Variants in RABGAP1L observed in about 807,000 individuals in gnomAD.
The protein encoded by RABGAP1L is RAB GTPase activating protein 1 like.
A neutral mutation model predicts 137.7 loss-of-function variants in RABGAP1L; 63 were observed. The ratio of observed to expected loss-of-function variants is 0.46; its 90% confidence interval spans 0.37 to 0.56. The LOEUF (loss-of-function observed/expected upper bound fraction) is 0.56. RABGAP1L is among the 20% of genes least tolerant of loss of function. The probability of loss-of-function intolerance (pLI) is 0.00; values close to 1 mark genes in which losing one functional copy is unlikely to be tolerated. For missense variants in RABGAP1L, 1,095 were observed against 1,244.0 expected (o/e 0.88, Z 1.80); for synonymous variants, 431 against 433.7 (o/e 0.99, Z 0.08).
chr1:174,760,928 T>A (rs190214049), intron 18 of RABGAP1L, among the ~76,000 whole-genome samples: 1 of 152,378 alleles, frequency 6.6e-6, no homozygotes, highest in East Asian at 1.9e-4. Flanking sequence ...TACTGTTCTA[T>A]GTGCTTGAAT....
intron 13 of RABGAP1L, among the ~76,000 whole-genome samples, chr1:174,494,537 T>G (rs531228574): frequency 2.5e-4 from 38 of 152,316 alleles, no homozygotes; most frequent in South Asian, 1.0e-3. Context: ...GGTTTCAGAG[T>G]CTTAATCATT....
At chr1:174,666,646 T>C (rs561703953) in intron 14 of RABGAP1L, among the ~76,000 whole-genome samples, 2 of 152,348 alleles carry the variant, frequency 1.3e-5, no homozygotes, top group South Asian at 4.1e-4. Context: ...TTTCATTCTT[T>C]CTGTGAGTCT....
chr1:174,860,134 T>A (rs926653123), intron 19 of RABGAP1L, among the ~76,000 whole-genome samples: 6 of 152,096 alleles, frequency 3.9e-5, no homozygotes, highest in African/African-American at 1.4e-4. Flanking sequence ...GGTTCTTATA[T>A]GGCCCTCACT....
At chr1:174,621,088 G>A (rs1160771996) in intron 13 of RABGAP1L, among the ~76,000 whole-genome samples, 1 of 152,094 alleles carries the variant, frequency 6.6e-6, no homozygotes. Context: ...AAACCAGGAA[G>A]AACTCCCATT....
At chr1:174,915,737 G>A (rs1350073873) in intron 19 of RABGAP1L, among the ~76,000 whole-genome samples, 1 of 152,188 alleles carries the variant, frequency 6.6e-6, no homozygotes, top group Non-Finnish European at 1.5e-5. Flanking sequence ...TTATAGGCGT[G>A]AGCCACCACT....
At chr1:174,786,000 C>T (rs2148781588) in intron 18 of RABGAP1L, among the ~76,000 whole-genome samples, 2 of 152,250 alleles carry the variant, frequency 1.3e-5, no homozygotes, top group Admixed American at 1.3e-4. Context: ...AATTTGAACT[C>T]AGTTATTTGA....
chr1:174,455,660 T>G (rs545857300), intron 13 of RABGAP1L, among the ~76,000 whole-genome samples: 57 of 152,244 alleles, frequency 3.7e-4, no homozygotes, highest in African/African-American at 1.3e-3. Flanking sequence ...CGTATTTTTA[T>G]AGAAATAACA....
intron 11 of RABGAP1L, among the ~76,000 whole-genome samples, chr1:174,314,768 A>C (rs1010069833): frequency 6.6e-6 from 1 of 152,046 alleles, no homozygotes; most frequent in African/African-American, 2.4e-5. Flanking sequence ...TCAGGAGCGT[A>C]TTGTTTAATT....
intron 13 of RABGAP1L, among the ~76,000 whole-genome samples, chr1:174,529,952 C>T (rs1022989378): frequency 1.1e-4 from 16 of 152,218 alleles, no homozygotes; most frequent in African/African-American, 3.6e-4. Context: ...TCTGCTCTGG[C>T]ATGGAGAAGG....
At chr1:174,628,970 A>G (rs1673119767) in intron 13 of RABGAP1L, among the ~76,000 whole-genome samples, 1 of 152,228 alleles carries the variant, frequency 6.6e-6, no homozygotes, top group African/African-American at 2.4e-5. Context: ...AGATATTTAG[A>G]TGATGAATTA....
chr1:174,629,792 G>A (rs944944937), intron 13 of RABGAP1L, among the ~76,000 whole-genome samples: 3 of 152,192 alleles, frequency 2.0e-5, no homozygotes, highest in African/African-American at 7.2e-5. Flanking sequence ...CCAAAGTGCT[G>A]GGATTACAGG....
At chr1:174,391,187 A>T (rs1687183335) in intron 12 of RABGAP1L, among the ~76,000 whole-genome samples, 1 of 152,220 alleles carries the variant, frequency 6.6e-6, no homozygotes, top group Non-Finnish European at 1.5e-5. Context: ...TGCAGAAGCC[A>T]TGTTGAACTG....
intron 13 of RABGAP1L, among the ~76,000 whole-genome samples, chr1:174,451,556 T>A (rs1437330774): frequency 6.6e-6 from 1 of 152,220 alleles, no homozygotes; most frequent in Non-Finnish European, 1.5e-5. Context: ...AGTTAACTAG[T>A]CAATGGCAGA....
At chr1:174,692,880 A>T (rs1460864129) in intron 15 of RABGAP1L, among the ~76,000 whole-genome samples, 2 of 152,252 alleles carry the variant, frequency 1.3e-5, no homozygotes, top group South Asian at 2.1e-4. Flanking sequence ...ATTATTTCTA[A>T]TTTTTTAGAA....
chr1:174,943,081 C>A (rs1666157458), intron 19 of RABGAP1L, among the ~76,000 whole-genome samples: 1 of 152,156 alleles, frequency 6.6e-6, no homozygotes, highest in African/African-American at 2.4e-5. Flanking sequence ...GGACTGGTTC[C>A]TGTGTACCTC....
intron 17 of RABGAP1L, among the ~76,000 whole-genome samples, chr1:174,707,218 C>CTGTTTTATTT (rs1553238075): frequency 2.0e-5 from 3 of 150,388 alleles, no homozygotes; most frequent in Admixed American, 6.6e-5. Flanking sequence ...AGGTTTTGTT[C>CTGTTTTATTT]TGTTTTGTTT....
At chr1:174,308,850 A>C (rs1208277162) in intron 11 of RABGAP1L, among the ~76,000 whole-genome samples, 1 of 151,596 alleles carries the variant, frequency 6.6e-6, no homozygotes, top group Non-Finnish European at 1.5e-5. Context: ...TGCTTCACCT[A>C]TTTGGGATCC....
intron 11 of RABGAP1L, among the ~76,000 whole-genome samples, chr1:174,306,451 G>A (rs1056502531): frequency 2.0e-5 from 3 of 152,084 alleles, no homozygotes; most frequent in East Asian, 1.9e-4. Context: ...TTTAACGATC[G>A]CCATTCTAAC....
At chr1:174,392,636 T>C (rs865955394) in intron 12 of RABGAP1L, among the ~76,000 whole-genome samples, 1 of 151,854 alleles carries the variant, frequency 6.6e-6, no homozygotes, top group Middle Eastern at 3.4e-3. Flanking sequence ...GAAGTTTTAG[T>C]TTTTTTCTGA....
Sources: allele counts gnomAD v4.1 joint callset (sites outside exome capture counted in the v4.1 genomes callset), GRCh38; gene constraint gnomAD v4.1.1; transcripts MANE v1.5; gene names NCBI Gene and HGNC (gene_info 2026-07-23, HGNC 2026-07-21).